Variants in PCDHGB1 observed in about 807,000 individuals in gnomAD.
The protein encoded by PCDHGB1 is protocadherin gamma-B1.
A neutral mutation model predicts 56.6 loss-of-function variants in PCDHGB1; 34 were observed. That is an observed-to-expected ratio of 0.60 (90% CI 0.46 to 0.80). The LOEUF is 0.80. PCDHGB1 is among the 30% of genes least tolerant of loss of function. The pLI is 0.00. For synonymous variants in PCDHGB1, 561 were observed against 505.9 expected, an observed-to-expected ratio of 1.11 and a Z score of -1.46; for missense variants, 1,278 against 1,204.6, an observed-to-expected ratio of 1.06 and a Z score of -0.90.
At chr5:141,383,926 A>T in intron 1 of PCDHGB1, 1 of 1,613,888 alleles carries the variant, frequency 6.2e-7, no homozygotes. Flanking sequence ...TGTAAATGAT[A>T]ATGCTCCAGA....
chr5:141,376,685 T>TTGTTTGTTTG (rs1554084826), intron 1 of PCDHGB1: 2 of 813,646 alleles, frequency 2.5e-6, no homozygotes, highest in African/African-American at 3.8e-5. Flanking sequence ...CGTTTTTTTT[T>TTGTTTGTTTG]TTTTTTTTTT....
chr5:141,505,468 G>A lies in PCDHGB1; in HGVS notation c.2544G>A (p.Leu848=). 1 of 1,614,212 alleles carries A rather than the reference G, an allele frequency of 6.2e-7. No homozygotes were observed. Among genetic ancestry groups the A allele is most frequent in the Non-Finnish European group, 8.5e-7 (1 of 1,180,020 alleles). The change falls in exon 3 of 4, where the codon TTG becomes TTA. Residue 848 remains leucine (L), a synonymous_variant. Coordinates refer to ENST00000523390, the MANE Select transcript of PCDHGB1 (RefSeq NM_018922.3). The stretch of plus-strand genomic sequence containing the variant: ...CAGAGATGCTGCAAGCCATGATCTT[G>A]GCGTCCGCCAGTGGTAAGTGGTGTC... The part of the protein sequence containing the change: ...FDTEMLQAMI[L]ASASEAADGS...
intron 1 of PCDHGB1, chr5:141,375,652 G>A (rs1200856953): frequency 1.8e-5 from 29 of 1,614,096 alleles, no homozygotes; most frequent in Non-Finnish European, 2.3e-5. Context: ...TCGACTATGA[G>A]CAGTTGAGAG....
intron 1 of PCDHGB1, among the ~76,000 whole-genome samples, chr5:141,458,081 G>GTTT (rs1259527184): frequency 6.6e-6 from 1 of 152,186 alleles, no homozygotes; most frequent in Non-Finnish European, 1.5e-5. Flanking sequence ...CTATATTGCC[G>GTTT]TAAGTTAAGA....
At chr5:141,415,895 G>A in intron 1 of PCDHGB1, 1 of 898,210 alleles carries the variant, frequency 1.1e-6, no homozygotes, top group Non-Finnish European at 1.5e-6. Flanking sequence ...CAATTCCTAA[G>A]ACAGACTTCC....
At chr5:141,474,756 T>C (rs2099354156) in intron 1 of PCDHGB1, among the ~76,000 whole-genome samples, 1 of 152,244 alleles carries the variant, frequency 6.6e-6, no homozygotes, top group Non-Finnish European at 1.5e-5. Flanking sequence ...AAGACAAATA[T>C]ACAGAAATAG....
intron 1 of PCDHGB1, chr5:141,370,168 C>T (rs890245618): frequency 2.2e-6 from 1 of 458,196 alleles, no homozygotes; most frequent in East Asian, 3.2e-5. Flanking sequence ...GCAGCAGAGG[C>T]GCCGGGTGCC....
At chr5:141,452,472 A>C (rs995927368) in intron 1 of PCDHGB1, among the ~76,000 whole-genome samples, 6 of 152,170 alleles carry the variant, frequency 3.9e-5, no homozygotes, top group Non-Finnish European at 8.8e-5. Flanking sequence ...AGCTAGGAAA[A>C]ACACACATAA....
At chr5:141,399,237 A>C in intron 1 of PCDHGB1, 1 of 1,614,002 alleles carries the variant, frequency 6.2e-7, no homozygotes, top group Non-Finnish European at 8.5e-7. Flanking sequence ...TACATGACCA[A>C]GATTCTGGGG....
chr5:141,500,571 C>T (rs1171231755), intron 2 of PCDHGB1, among the ~76,000 whole-genome samples: 1 of 152,196 alleles, frequency 6.6e-6, no homozygotes, highest in African/African-American at 2.4e-5. Context: ...GTCACACTTT[C>T]ATGTGACACT....
intron 1 of PCDHGB1, chr5:141,372,469 T>C (rs772203261): frequency 6.2e-7 from 1 of 1,614,020 alleles, no homozygotes; most frequent in Non-Finnish European, 8.5e-7. Context: ...CAGTTTCACC[T>C]AGTAGTGGCG....
At chr5:141,424,726 T>C (rs1041673348) in intron 1 of PCDHGB1, 7 of 152,218 alleles carry the variant, frequency 4.6e-5, no homozygotes, top group African/African-American at 4.8e-5. Context: ...TTGGGAGTCA[T>C]AGATTCCTTC....
At position 141,414,753 on chromosome 5, in the gene PCDHGB1, T is replaced by C. The variant is rs10041534; in HGVS notation, c.2409+62084T>C. 7.9e-4 allele frequency: 1,273 copies of C among 1,614,202 alleles called. 15 individuals carry two copies. The African/African-American group carries it at 0.015, about 19-fold the overall frequency. ...TGTATGCACTCAGATCCTTCGACTA[T>C]GAGCAGTTTCATGAGCTACAGATGC... On this transcript the variant is annotated intron_variant, in intron 1 of 3. Transcript: ENST00000523390.
chr5:141,360,382 G>C, intron 1 of PCDHGB1: 1 of 1,613,906 alleles, frequency 6.2e-7, no homozygotes, highest in South Asian at 1.1e-5. Flanking sequence ...AGAAAGCGGA[G>C]ACTTACTTGT....
rs762698416 is a variant in PCDHGB1 at position 141,351,370 on chromosome 5, G to A, written c.1110G>A (p.Lys370=). 5 of 1,612,716 alleles carry A rather than the reference G, an allele frequency of 3.1e-6. No homozygotes were observed. The highest frequency in any genetic ancestry group is 4.2e-6 in the Non-Finnish European group (5 of 1,179,286). The part of the protein sequence containing the change: ...TVIALIKVRD[K]DSGQNGMVTC... Reference sequence around the variant, plus strand: ...TAGCCCTCATAAAAGTGCGAGACAAGGATTCTGGGCAAAATGGCATGGTGA... The same window carrying A: ...TAGCCCTCATAAAAGTGCGAGACAAAGATTCTGGGCAAAATGGCATGGTGA... The change falls in exon 1 of 4, where the codon AAG becomes AAA. Residue 370 remains lysine, a synonymous_variant. Transcript: ENST00000523390.
chr5:141,357,709 A>G (rs1760706565), intron 1 of PCDHGB1: 1 of 1,470,964 alleles, frequency 6.8e-7, no homozygotes, highest in South Asian at 1.4e-5. Flanking sequence ...TAATATATCA[A>G]ATAAAGTTGC....
At chr5:141,366,858 A>G (rs1764831423) in intron 1 of PCDHGB1, 1 of 1,440,284 alleles carries the variant, frequency 6.9e-7, no homozygotes, top group Admixed American at 2.3e-5. Context: ...GTGGAACATT[A>G]TTTGCTGTAT....
At chr5:141,371,899 C>A in intron 1 of PCDHGB1, 1 of 1,613,414 alleles carries the variant, frequency 6.2e-7, no homozygotes, top group Non-Finnish European at 8.5e-7. Flanking sequence ...CGGGAGCTGT[C>A]GTCCTACGTG....
At position 141,399,438 on chromosome 5, in the gene PCDHGB1, T is replaced by G; in HGVS notation, c.2409+46769T>G. 3 of 1,613,996 alleles carry G rather than the reference T, an allele frequency of 1.9e-6. No individual in the cohort carries two copies. The South Asian group carries it at 3.3e-5, about 18-fold the overall frequency. On this transcript the variant is annotated intron_variant, in intron 1 of 3. Transcript: ENST00000523390. The stretch of plus-strand genomic sequence containing the variant: ...CCTCCAGCATAAGCGTCATCCTACA[T>G]ATCAGAGACGTCAACGATAACGCTC...
Sources: allele counts gnomAD v4.1 joint callset (sites outside exome capture counted in the v4.1 genomes callset), GRCh38; gene constraint gnomAD v4.1.1; transcripts MANE v1.5; gene names NCBI Gene and HGNC (gene_info 2026-07-23, HGNC 2026-07-21).